Variants in CNTN5 observed in about 807,000 individuals in gnomAD.
CNTN5 encodes contactin-5.
In CNTN5, 77 loss-of-function variants were observed where a neutral mutation model predicts 129.1. The ratio of observed to expected loss-of-function variants is 0.60; its 90% CI spans 0.50 to 0.72. The LOEUF (loss-of-function observed/expected upper bound fraction) is 0.72. Ranked by LOEUF, CNTN5 falls within the 30% of genes least tolerant of loss-of-function variation. The pLI is 0.00. For synonymous variants in CNTN5, 509 were observed against 465.6 expected (o/e 1.09, Z -1.20); for missense variants, 1,478 against 1,328.8 (o/e 1.11, Z -1.75).
intron 3 of CNTN5, among the ~76,000 whole-genome samples, chr11:99,777,989 C>T (rs982830939): frequency 1.3e-4 from 19 of 151,738 alleles, no homozygotes; most frequent in Admixed American, 2.6e-4. Flanking sequence ...CCATAATAGG[C>T]GTACCCTTAC....
chr11:99,024,257 G>C (rs911734731), intron 1 of CNTN5, among the ~76,000 whole-genome samples: 3 of 152,112 alleles, frequency 2.0e-5, no homozygotes, highest in Non-Finnish European at 4.4e-5. Flanking sequence ...TGTATTGTTA[G>C]AAGTGTTCTA....
At position 99,289,496 on chromosome 11, in the gene CNTN5, T is replaced by C. The variant is rs59575208; in HGVS notation, c.-209-35850T>C. On this transcript the variant is annotated intron_variant, in intron 1 of 24. Coordinates refer to ENST00000524871, the MANE Select transcript of CNTN5 (RefSeq NM_014361.4). Reference sequence around the variant, plus strand: ...CACTGGCAAATTTTATTCACTTAGATGGGCACCAATACACTCAACTAAAAT... The same window carrying C: ...CACTGGCAAATTTTATTCACTTAGACGGGCACCAATACACTCAACTAAAAT... Among the ~76,000 whole-genome samples, 199 of 151,892 alleles carry C rather than the reference T, an allele frequency of 1.3e-3. 2 individuals are homozygous for C. Among genetic ancestry groups the C allele is most frequent in the African/African-American group, 4.5e-3 (189 of 41,542 alleles).
chr11:99,418,314 G>A (rs1380804046), intron 2 of CNTN5, among the ~76,000 whole-genome samples: 1 of 152,116 alleles, frequency 6.6e-6, no homozygotes, highest in African/African-American at 2.4e-5. Context: ...CTTACTCTAT[G>A]TGGAAAATAA....
chr11:99,797,694 A>AT (rs1222665504), intron 3 of CNTN5, among the ~76,000 whole-genome samples: 7 of 151,816 alleles, frequency 4.6e-5, no homozygotes, highest in African/African-American at 1.5e-4. Context: ...CATCAGGTGC[A>AT]TTTTTTTGTG....
intron 2 of CNTN5, among the ~76,000 whole-genome samples, chr11:99,539,493 T>A (rs2466902): frequency 0.83 from 126,800 of 151,986 alleles, 53,793 homozygotes; most frequent in Middle Eastern, 0.93. Flanking sequence ...AGAAAACTAG[T>A]CTAAGATAAA....
Position 99,092,567 on chromosome 11 carries a change from A to G in CNTN5, c.-210+71297A>G, listed in dbSNP as rs1003849349. On this transcript the variant is annotated intron_variant, in intron 1 of 24. Coordinates refer to ENST00000524871, the MANE Select transcript of CNTN5 (RefSeq NM_014361.4). Reference sequence around the variant, plus strand: ...GTAAAAGAAAGCTCAATGAATAAAAATGTACAATATTTGAAAAATTGGAAT... The same window carrying G: ...GTAAAAGAAAGCTCAATGAATAAAAGTGTACAATATTTGAAAAATTGGAAT... Among the ~76,000 whole-genome samples, 3 of 152,144 alleles carry G rather than the reference A, an allele frequency of 2.0e-5. No homozygotes were observed. The East Asian group carries it at 5.8e-4, about 29-fold the overall frequency.
chr11:100,065,724 C>A (rs1160417143), intron 10 of CNTN5, among the ~76,000 whole-genome samples: 1 of 152,040 alleles, frequency 6.6e-6, no homozygotes, highest in Non-Finnish European at 1.5e-5. Context: ...AGAACCTGAA[C>A]TAAGGCATGA....
At chr11:99,725,356 T>G (rs1943302237) in intron 3 of CNTN5, among the ~76,000 whole-genome samples, 1 of 152,092 alleles carries the variant, frequency 6.6e-6, no homozygotes, top group Admixed American at 6.5e-5. Flanking sequence ...AGAGCGATTT[T>G]CAAAGTATCT....
At chr11:100,148,040 C>G (rs1453255997) in intron 13 of CNTN5, among the ~76,000 whole-genome samples, 3 of 152,186 alleles carry the variant, frequency 2.0e-5, no homozygotes, top group Non-Finnish European at 4.4e-5. Context: ...ATTCTCCTCT[C>G]ATCTGGAAGG....
At chr11:100,061,420 G>A (rs770165260) in intron 10 of CNTN5, 27 bp downstream of exon 10, 11 of 1,480,214 alleles carry the variant, frequency 7.4e-6, no homozygotes, top group Non-Finnish European at 1.0e-5. Context: ...AAGCATGATT[G>A]CTCTAGTCCC....
intron 12 of CNTN5, among the ~76,000 whole-genome samples, chr11:100,073,513 G>T (rs1944011266): frequency 6.6e-6 from 1 of 151,656 alleles, no homozygotes. Context: ...CTGTGGACTT[G>T]TAGACATCTT....
At position 100,160,464 on chromosome 11, in the gene CNTN5, A is replaced by G. The variant is rs1487836461; in HGVS notation, c.1581-30662A>G. Among the ~76,000 whole-genome samples, 3 of 152,030 alleles carry G rather than the reference A, an allele frequency of 2.0e-5. No homozygotes were observed. In the East Asian group the frequency reaches 5.8e-4, roughly 30 times the overall value. ...AATGGGATTGCTCGGACAAATCACA[A>G]CATGTATATTTGTAACAGATGAAGA... is the stretch of plus-strand genomic sequence containing the variant. On this transcript the variant is annotated intron_variant, in intron 13 of 24. Coordinates refer to ENST00000524871, the MANE Select transcript of CNTN5 (RefSeq NM_014361.4).
At chr11:99,281,231 G>A (rs1388099201) in intron 1 of CNTN5, among the ~76,000 whole-genome samples, 1 of 151,886 alleles carries the variant, frequency 6.6e-6, no homozygotes, top group African/African-American at 2.4e-5. Flanking sequence ...TAATATGTTT[G>A]TGGCTAGAAA....
At chr11:99,194,905 C>G (rs1276253637) in intron 1 of CNTN5, among the ~76,000 whole-genome samples, 2 of 152,088 alleles carry the variant, frequency 1.3e-5, no homozygotes, top group Non-Finnish European at 2.9e-5. Flanking sequence ...AAGGCTGGCC[C>G]CTGTTGAATT....
chr11:100,139,603 C>T (rs1031729191), intron 13 of CNTN5, among the ~76,000 whole-genome samples: 1 of 152,146 alleles, frequency 6.6e-6, no homozygotes, highest in Non-Finnish European at 1.5e-5. Context: ...GTGGCTCACG[C>T]CTGTAATCCC....
At chr11:100,210,413 T>C (rs1242869019) in intron 15 of CNTN5, among the ~76,000 whole-genome samples, 1 of 151,446 alleles carries the variant, frequency 6.6e-6, no homozygotes, top group African/African-American at 2.4e-5. Flanking sequence ...TTCTGTTTCC[T>C]ATGAAACTTA....
chr11:99,430,296 G>C (rs139124231), intron 2 of CNTN5, among the ~76,000 whole-genome samples: 4 of 151,658 alleles, frequency 2.6e-5, no homozygotes, highest in Non-Finnish European at 4.4e-5. Flanking sequence ...AAAACGAAAG[G>C]TTTCAGTAAA....
chr11:99,726,219 C>A (rs1004544319), intron 3 of CNTN5, among the ~76,000 whole-genome samples: 23 of 152,160 alleles, frequency 1.5e-4, no homozygotes, highest in Admixed American at 6.5e-4. Context: ...AAGACAGTAG[C>A]GAGCAGTGGA....
chr11:99,862,443 A>G (rs1044973052), intron 6 of CNTN5, among the ~76,000 whole-genome samples: 1 of 151,998 alleles, frequency 6.6e-6, no homozygotes, highest in Non-Finnish European at 1.5e-5. Context: ...TGCTTTTCTC[A>G]TTCATGGATT....
Sources: allele counts gnomAD v4.1 joint callset (sites outside exome capture counted in the v4.1 genomes callset), GRCh38; gene constraint gnomAD v4.1.1; transcripts MANE v1.5; gene names NCBI Gene and HGNC (gene_info 2026-07-23, HGNC 2026-07-21).